IFRD1: variants seen among roughly 807,000 people sequenced by gnomAD.
IFRD1 encodes interferon-related developmental regulator 1.
A neutral mutation model predicts 52.9 loss-of-function variants in IFRD1; 35 were observed. The observed-to-expected ratio is 0.66, with a 90% CI of 0.51 to 0.88. The LOEUF is 0.88. Ranked by LOEUF, IFRD1 falls within the 40% of genes least tolerant of loss-of-function variation. The pLI, the probability that IFRD1 is intolerant of heterozygous loss-of-function variation, is 0.00. For missense variants in IFRD1, 517 were observed against 550.8 expected, an observed-to-expected ratio of 0.94 and a Z score of 0.61; for synonymous variants, 184 against 188.4, an observed-to-expected ratio of 0.98 and a Z score of 0.19.
At chr7:112,428,064 G>GA (rs1029299406) in intron 1 of IFRD1, among the ~76,000 whole-genome samples, 13 of 152,180 alleles carry the variant, frequency 8.5e-5, no homozygotes, top group African/African-American at 3.1e-4. Flanking sequence ...AAGGAGGAGG[G>GA]ATGAGGGAAA....
chr7:112,472,881 T>G lies in IFRD1; in HGVS notation c.1266+20T>G. ...GAAAGGGTAGGTTTTGTTTTTATTT[T>G]TAATAAAACTAAGTGCGCCAAAGCT... On this transcript the variant is annotated intron_variant, in intron 11 of 11. Transcript: ENST00000403825. 6.6e-7 allele frequency: 1 copy of G among 1,522,984 alleles called. No individual in the cohort carries two copies. The highest frequency in any genetic ancestry group is 9.1e-7 in the Non-Finnish European group (1 of 1,096,966). 94.3% of individuals were successfully genotyped at this position (1,522,984 alleles called of 1,614,324 possible).
chr7:112,468,486 A>G (rs1795671532), intron 9 of IFRD1, among the ~76,000 whole-genome samples: 1 of 151,918 alleles, frequency 6.6e-6, no homozygotes, highest in African/African-American at 2.4e-5. Context: ...TTAGACTCCA[A>G]CCCAGCTTGA....
chr7:112,471,703 T>C (rs1005660), intron 9 of IFRD1, among the ~76,000 whole-genome samples: 152,180 of 152,180 alleles, frequency 1, 76,090 homozygotes, highest in Non-Finnish European at 1. Context: ...CTAGTGTTAC[T>C]TCTTATTTTC....
intron 1 of IFRD1, among the ~76,000 whole-genome samples, chr7:112,453,780 G>A (rs1379907451): frequency 2.6e-5 from 4 of 152,010 alleles, no homozygotes; most frequent in African/African-American, 7.3e-5. Context: ...TTGGCACCAC[G>A]CAAGCAAATC....
chr7:112,458,968 C>T lies in IFRD1; in HGVS notation c.517C>T (p.Leu173=), dbSNP rs1453574999. Residue 173 remains leucine (L), a synonymous_variant, in exon 5 of 12, where the codon CTA becomes TTA. Transcript: ENST00000403825. ...EEILKTLGPI[L]KKIICDGSAS... ...GATTTTGAAAACTCTTGGACCAATC[C>T]TAAAGAAAATCATTTGTGATGGGTC... is the stretch of plus-strand genomic sequence containing the variant. The T allele has an allele frequency of 6.2e-7, 1 of 1,613,624 alleles. No homozygotes were observed. Among genetic ancestry groups the T allele is most frequent in the Non-Finnish European group, 8.5e-7 (1 of 1,179,770 alleles).
chr7:112,444,730 C>T (rs535885781), intron 1 of IFRD1, among the ~76,000 whole-genome samples: 33 of 152,128 alleles, frequency 2.2e-4, no homozygotes, highest in African/African-American at 6.7e-4. Context: ...GGCCTTTTCT[C>T]GCAGCATTGC....
intron 1 of IFRD1, among the ~76,000 whole-genome samples, chr7:112,423,662 G>C (rs976923102): frequency 6.6e-6 from 1 of 152,192 alleles, no homozygotes; most frequent in Non-Finnish European, 1.5e-5. Context: ...TAGTGGGTCA[G>C]GAAGGTGATG....
chr7:112,462,329 C>T lies in IFRD1; in HGVS notation c.857C>T (p.Ala286Val). 1 of 1,613,688 alleles carries T rather than the reference C, an allele frequency of 6.2e-7. No homozygotes were observed. Among genetic ancestry groups the T allele is most frequent in the Non-Finnish European group, 8.5e-7 (1 of 1,179,736 alleles). ...SCDDVNMRIAAGESLALLFEL... is the reference protein window; with the variant it reads ...SCDDVNMRIAVGESLALLFEL... ...GATGATGTAAACATGAGAATAGCTG[C>T]TGGTGAATCTTTGGCACTTCTCTTT... Residue 286 changes from alanine to valine, a missense_variant, in exon 8 of 12, where the codon GCT becomes GTT. By Grantham distance (64) the Ala-to-Val change is moderately conservative (BLOSUM62 0). Coordinates refer to ENST00000403825, the MANE Select transcript of IFRD1 (RefSeq NM_001550.4).
At chr7:112,460,605 C>G (rs763899176) in intron 5 of IFRD1, among the ~76,000 whole-genome samples, 3 of 152,116 alleles carry the variant, frequency 2.0e-5, no homozygotes, top group Non-Finnish European at 4.4e-5. Flanking sequence ...TGTAGCCTTG[C>G]TTCTGCTGCT....
In IFRD1 at chr7:112,477,192, T is replaced by C. The variant is rs1795926258; in HGVS notation, c.*1673T>C. 1 of 152,204 alleles carries C rather than the reference T, an allele frequency of 6.6e-6. No individual in the cohort carries two copies. The highest frequency in any genetic ancestry group is 1.5e-5 in the Non-Finnish European group (1 of 68,046). The allele number at this position is 152,204 out of a possible 1,614,324, so 9.4% of individuals were successfully genotyped here. On this transcript the variant is annotated 3_prime_UTR_variant, in exon 12 of 12. Coordinates refer to ENST00000403825, the MANE Select transcript of IFRD1 (RefSeq NM_001550.4). ...AAATAATGAATTTTTATTAAAGTGTTGTATGAACATAGGTTTTTGTTTGTT... is the reference window on the plus strand; with the variant it reads ...AAATAATGAATTTTTATTAAAGTGTCGTATGAACATAGGTTTTTGTTTGTT...
chr7:112,440,899 G>A (rs1794867349), intron 1 of IFRD1, among the ~76,000 whole-genome samples: 1 of 152,182 alleles, frequency 6.6e-6, no homozygotes, highest in African/African-American at 2.4e-5. Context: ...ACTTTGGGAC[G>A]CCAAGGTGGG....
Position 112,475,660 on chromosome 7 carries a change from C to T in IFRD1, c.*141C>T. ...GTTATATTGCTTATAATTTAATGTA[C>T]AATACTATTGAAACTGGTGAGTTCT... On this transcript the variant is annotated 3_prime_UTR_variant, in exon 12 of 12. Transcript: ENST00000403825. 1.6e-6 allele frequency: 1 copy of T among 636,540 alleles called. No individual in the cohort carries two copies. Among genetic ancestry groups the T allele is most frequent in the South Asian group, 1.8e-5 (1 of 54,326 alleles). The allele number at this position is 636,540 out of a possible 1,614,324, so 39.4% of individuals were successfully genotyped here.
At chr7:112,449,312 T>C (rs961537629), upstream of IFRD1, among the ~76,000 whole-genome samples, 1 of 152,038 alleles carries the variant, frequency 6.6e-6, no homozygotes, top group African/African-American at 2.4e-5. Flanking sequence ...AATTTGAGTT[T>C]TGGAATTTAA....
At chr7:112,466,474 T>C (rs1795611689) in intron 8 of IFRD1, among the ~76,000 whole-genome samples, 1 of 152,142 alleles carries the variant, frequency 6.6e-6, no homozygotes, top group Middle Eastern at 3.2e-3. Flanking sequence ...GGGTGGGGGC[T>C]GTCTTGTGCA....
intron 1 of IFRD1, among the ~76,000 whole-genome samples, chr7:112,451,381 G>T (rs1039561870): frequency 6.6e-6 from 1 of 152,196 alleles, no homozygotes; most frequent in Non-Finnish European, 1.5e-5. Flanking sequence ...CTCCCCCCTA[G>T]GCTGTGCTCC....
At chr7:112,446,692 G>A (rs578220755), upstream of IFRD1, among the ~76,000 whole-genome samples, 4 of 152,220 alleles carry the variant, frequency 2.6e-5, no homozygotes, top group Non-Finnish European at 5.9e-5. Flanking sequence ...TGGGAAGCTC[G>A]GGTTGATCAT....
intron 9 of IFRD1, among the ~76,000 whole-genome samples, chr7:112,470,732 A>G (rs748975096): frequency 1.6e-4 from 25 of 152,236 alleles, no homozygotes; most frequent in Non-Finnish European, 3.5e-4. Context: ...ATTTGCATAT[A>G]ACCTATGCAC....
chr7:112,424,234 C>T (rs1235091142), intron 1 of IFRD1, among the ~76,000 whole-genome samples: 1 of 152,006 alleles, frequency 6.6e-6, no homozygotes, highest in African/African-American at 2.4e-5. Flanking sequence ...AAGTGGCCAT[C>T]GTCTGGGGAT....
intron 1 of IFRD1, among the ~76,000 whole-genome samples, chr7:112,436,047 TA>T (rs1007352336): frequency 1.7e-4 from 26 of 152,120 alleles, no homozygotes; most frequent in African/African-American, 6.0e-4. Context: ...CATGTCTGGC[TA>T]ATTTTTGTAT....
Sources: gnomAD v4.1 joint callset for allele counts (sites outside exome capture counted in the v4.1 genomes callset) on GRCh38, gnomAD v4.1.1 for gene constraint, MANE v1.5 for transcripts, NCBI Gene and HGNC (gene_info 2026-07-23, HGNC 2026-07-21) for gene names.